The following GADL1 variants were observed in gnomAD, a reference collection of about 807,000 sequenced individuals.
The protein encoded by GADL1 is acidic amino acid decarboxylase GADL1.
Under a neutral mutation model 69.5 loss-of-function variants are expected in GADL1, and 71 were observed. The ratio of observed to expected loss-of-function variants is 1.02; its 90% CI spans 0.84 to 1.25. The LOEUF (loss-of-function observed/expected upper bound fraction) is 1.25. Ranked by LOEUF, GADL1 falls within the 50% of genes most tolerant of loss-of-function variation. GADL1 has a pLI of 0.00. For synonymous variants in GADL1, 254 were observed against 214.4 expected (o/e 1.18, Z -1.62); for missense variants, 737 against 631.8 (o/e 1.17, Z -1.79).
At chr3:30,853,421 A>C (rs1212627356) in intron 4 of GADL1, among the ~76,000 whole-genome samples, 2 of 152,148 alleles carry the variant, frequency 1.3e-5, no homozygotes, top group Non-Finnish European at 2.9e-5. Context: ...CACGTCCACC[A>C]TTTCAATTAC....
At chr3:30,735,588 T>G (rs1372271625) in intron 14 of GADL1, among the ~76,000 whole-genome samples, 1 of 152,094 alleles carries the variant, frequency 6.6e-6, no homozygotes, top group East Asian at 1.9e-4. Flanking sequence ...AATGGCAAAA[T>G]CAAATGGCTA....
At chr3:30,813,554 T>C (rs1697401503) in intron 11 of GADL1, among the ~76,000 whole-genome samples, 1 of 152,228 alleles carries the variant, frequency 6.6e-6, no homozygotes, top group Non-Finnish European at 1.5e-5. Context: ...CCTTCTCAAA[T>C]AGAATTTTAC....
Position 30,730,524 on chromosome 3 carries a change from T to C in GADL1, c.1393-2109A>G, listed in dbSNP as rs139013202. Reference sequence around the variant, plus strand: ...CATAAGACAGATGATTCCTGAAGAATGTAGTTTATGCAAGAACAGTGGAGG... The same window carrying C: ...CATAAGACAGATGATTCCTGAAGAACGTAGTTTATGCAAGAACAGTGGAGG... On this transcript the variant is annotated intron_variant, in intron 14 of 14. Coordinates refer to ENST00000282538, the MANE Select transcript of GADL1 (RefSeq NM_207359.3). Among the ~76,000 whole-genome samples, 235 of 152,228 alleles carry C rather than the reference T, an allele frequency of 1.5e-3. 2 individuals carry two copies. The Middle Eastern group carries it at 0.027, about 18-fold the overall frequency.
intron 1 of GADL1, among the ~76,000 whole-genome samples, chr3:30,890,882 G>A (rs1264151356): frequency 1.3e-5 from 2 of 152,124 alleles, no homozygotes; most frequent in Non-Finnish European, 2.9e-5. Flanking sequence ...CATGCATTGT[G>A]CATATTATTC....
chr3:30,888,167 T>C (rs1189125090), intron 1 of GADL1, among the ~76,000 whole-genome samples: 1 of 152,190 alleles, frequency 6.6e-6, no homozygotes, highest in South Asian at 2.1e-4. Flanking sequence ...GTTTGTTAAA[T>C]ATGCAGATGC....
At chr3:30,804,023 TTATATTGA>T (rs1697209544) in intron 11 of GADL1, among the ~76,000 whole-genome samples, 1 of 152,210 alleles carries the variant, frequency 6.6e-6, no homozygotes, top group African/African-American at 2.4e-5. Context: ...ACAAATTGCT[TTATATTGA>T]TATTAATTCA....
chr3:30,817,822 A>T (rs1264823596), intron 11 of GADL1, among the ~76,000 whole-genome samples: 2 of 152,228 alleles, frequency 1.3e-5, no homozygotes, highest in Non-Finnish European at 2.9e-5. Flanking sequence ...GTAAGATCAA[A>T]AGGACATATA....
intron 1 of GADL1, among the ~76,000 whole-genome samples, chr3:30,877,570 G>A (rs1383608448): frequency 1.3e-5 from 2 of 151,832 alleles, no homozygotes; most frequent in East Asian, 3.9e-4. Flanking sequence ...TACATTGCTT[G>A]GGTATATTTT....
At chr3:30,780,612 A>T (rs1378111140) in intron 13 of GADL1, among the ~76,000 whole-genome samples, 1 of 152,218 alleles carries the variant, frequency 6.6e-6, no homozygotes, top group Non-Finnish European at 1.5e-5. Flanking sequence ...TTTGCATAGG[A>T]ACATTACAAA....
At chr3:30,891,332 G>T (rs1230874260) in intron 1 of GADL1, among the ~76,000 whole-genome samples, 1 of 152,070 alleles carries the variant, frequency 6.6e-6, no homozygotes, top group East Asian at 1.9e-4. Context: ...GCCACATCCA[G>T]CCCTACCATG....
chr3:30,754,408 C>T (rs1695913277), intron 14 of GADL1, among the ~76,000 whole-genome samples: 1 of 152,100 alleles, frequency 6.6e-6, no homozygotes, highest in Non-Finnish European at 1.5e-5. Flanking sequence ...ATATATTCAA[C>T]CATAAGCCTT....
At chr3:30,797,446 T>TC (rs1345935090) in intron 12 of GADL1, among the ~76,000 whole-genome samples, 4 of 152,168 alleles carry the variant, frequency 2.6e-5, no homozygotes, top group Non-Finnish European at 5.9e-5. Context: ...ATGTAGGACA[T>TC]CCCAGGCATT....
At chr3:30,756,865 G>T (rs1255075755) in intron 14 of GADL1, among the ~76,000 whole-genome samples, 1 of 146,858 alleles carries the variant, frequency 6.8e-6, no homozygotes, top group Non-Finnish European at 1.5e-5. Flanking sequence ...GGAAAGATAG[G>T]CTTGATTGTG....
chr3:30,787,540 C>T (rs536116602), intron 12 of GADL1, among the ~76,000 whole-genome samples: 7 of 152,194 alleles, frequency 4.6e-5, no homozygotes, highest in South Asian at 4.1e-4. Flanking sequence ...ATAATAGAGA[C>T]GCTGACAGAA....
chr3:30,825,821 A>G (rs767023239), intron 11 of GADL1, among the ~76,000 whole-genome samples: 8 of 151,914 alleles, frequency 5.3e-5, no homozygotes, highest in Non-Finnish European at 1.2e-4. Context: ...TACCTAACAC[A>G]TGCAAGGTTT....
intron 12 of GADL1, chr3:30,800,265 T>G (rs1278141468): frequency 1.3e-5 from 2 of 153,428 alleles, no homozygotes; most frequent in Non-Finnish European, 1.4e-5. Flanking sequence ...AGGCACTTCT[T>G]GCATGGCAGC....
intron 9 of GADL1, among the ~76,000 whole-genome samples, chr3:30,837,193 C>T (rs1405759091): frequency 6.6e-6 from 1 of 152,024 alleles, no homozygotes; most frequent in African/African-American, 2.4e-5. Context: ...CTTTAAAATA[C>T]TCTAGAAGAT....
chr3:30,842,976 TACA>T (rs1183131037), intron 8 of GADL1, among the ~76,000 whole-genome samples: 5 of 150,658 alleles, frequency 3.3e-5, no homozygotes, highest in Admixed American at 1.3e-4. Flanking sequence ...AAAAAAAAAG[TACA>T]ACAACAGAAC....
At chr3:30,776,691 T>C (rs1696548252) in intron 14 of GADL1, among the ~76,000 whole-genome samples, 1 of 152,170 alleles carries the variant, frequency 6.6e-6, no homozygotes, top group South Asian at 2.1e-4. Flanking sequence ...AGTGAGGCAA[T>C]CAGTGACCAT....
Sources: gnomAD v4.1 joint callset for allele counts (sites outside exome capture counted in the v4.1 genomes callset) on GRCh38, gnomAD v4.1.1 for gene constraint, MANE v1.5 for transcripts, NCBI Gene and HGNC (gene_info 2026-07-23, HGNC 2026-07-21) for gene names.